Variants in DCUN1D4 observed in about 807,000 individuals in gnomAD.
DCUN1D4 encodes the protein defective in cullin neddylation 1 domain containing 4, also known as DCN1-like protein 4.
In DCUN1D4, 22 loss-of-function variants were observed where a neutral mutation model predicts 47.9. The ratio of observed to expected loss-of-function variants is 0.46; its 90% CI spans 0.33 to 0.66. The LOEUF (loss-of-function observed/expected upper bound fraction) is 0.66, where lower values mean the gene tolerates loss of function less well. Ranked by LOEUF, DCUN1D4 falls within the 30% of genes least tolerant of loss-of-function variation. The probability of loss-of-function intolerance (pLI) is 0.02; values close to 1 mark genes in which losing one functional copy is unlikely to be tolerated. For synonymous variants in DCUN1D4, 121 were observed against 112.2 expected (o/e 1.08, Z -0.50); for missense variants, 301 against 340.8 (o/e 0.88, Z 0.92).
intron 1 of DCUN1D4, among the ~76,000 whole-genome samples, chr4:51,851,051 T>C (rs1372022126): frequency 6.6e-6 from 1 of 152,234 alleles, no homozygotes; most frequent in Non-Finnish European, 1.5e-5. Flanking sequence ...TTACAATTAC[T>C]GTGTGATGAC....
At chr4:51,834,099 C>CTTTTTTTTTTTTT in the DCUN1D4 span, among the ~76,000 whole-genome samples, 3 of 40,828 alleles carry the variant, frequency 7.3e-5, 1 homozygote, top group Non-Finnish European at 1.2e-4. Flanking sequence ...TTCTTTTCTT[C>CTTTTTTTTTTTTT]TTTCTTTTTT....
intron 7 of DCUN1D4, 86 bp downstream of exon 7, chr4:51,891,937 G>C (rs1484247898): frequency 2.7e-5 from 27 of 1,018,090 alleles, no homozygotes; most frequent in Middle Eastern, 2.1e-4. Context: ...AGGTGATTGA[G>C]TGAGTGGAAG....
chr4:51,836,036 T>C, the DCUN1D4 span, among the ~76,000 whole-genome samples: 1 of 152,128 alleles, frequency 6.6e-6, no homozygotes, highest in South Asian at 2.1e-4. Flanking sequence ...TTCCCATCAT[T>C]TGAGTGCAGG....
At chr4:51,841,763 T>C (rs1721670828), upstream of DCUN1D4, among the ~76,000 whole-genome samples, 1 of 152,034 alleles carries the variant, frequency 6.6e-6, no homozygotes, top group Non-Finnish European at 1.5e-5. Context: ...AACATTTGTG[T>C]CCTGATTTAA....
At chr4:51,844,295 T>C in intron 1 of DCUN1D4, 2 of 973,990 alleles carry the variant, frequency 2.1e-6, no homozygotes, top group South Asian at 4.8e-5. Flanking sequence ...GAGTCCAAGC[T>C]TCGGGGTGCG....
upstream of DCUN1D4, chr4:51,842,940 G>A (rs1363929828): frequency 1.2e-6 from 1 of 800,026 alleles, no homozygotes; most frequent in African/African-American, 1.8e-5. Context: ...CGCTGCTCCG[G>A]AGCATGGCCT....
At chr4:51,837,479 C>A in the DCUN1D4 span, among the ~76,000 whole-genome samples, 6 of 151,434 alleles carry the variant, frequency 4.0e-5, no homozygotes, top group East Asian at 1.2e-3. Context: ...CACGGTGAAA[C>A]CCCGTCTCTA....
upstream of DCUN1D4, among the ~76,000 whole-genome samples, chr4:51,840,835 G>C (rs1359271906): frequency 6.6e-6 from 1 of 152,200 alleles, no homozygotes; most frequent in African/African-American, 2.4e-5. Flanking sequence ...GTGAGGGTCA[G>C]CCGACTAGGA....
intron 5 of DCUN1D4, among the ~76,000 whole-genome samples, chr4:51,881,775 C>T (rs914915111): frequency 2.6e-5 from 4 of 151,772 alleles, no homozygotes; most frequent in East Asian, 1.9e-4. Flanking sequence ...AGGTAATTAC[C>T]TTAATTCTAC....
chr4:51,883,959 G>T (rs772061010), intron 5 of DCUN1D4, among the ~76,000 whole-genome samples: 2 of 149,208 alleles, frequency 1.3e-5, no homozygotes, highest in Non-Finnish European at 3.0e-5. Context: ...TGATAATCAA[G>T]ATAAGAAAAC....
intron 1 of DCUN1D4, among the ~76,000 whole-genome samples, chr4:51,862,668 C>T (rs1725252877): frequency 1.3e-5 from 2 of 152,156 alleles, no homozygotes; most frequent in Admixed American, 6.5e-5. Flanking sequence ...TATTAATAAA[C>T]TTTCAGCTTA....
rs1725401085 is a variant in DCUN1D4 at position 51,863,504 on chromosome 4, G to A, written c.93G>A (p.Lys31=). The A allele has an allele frequency of 6.2e-7, 1 of 1,610,718 alleles. No homozygotes were observed. The highest frequency in any genetic ancestry group is 2.2e-5 in the East Asian group (1 of 44,756). The change falls in exon 2 of 11, where the codon AAG becomes AAA. Residue 31 remains lysine (K), a synonymous_variant. Coordinates refer to ENST00000334635, the MANE Select transcript of DCUN1D4 (RefSeq NM_001040402.3). ...ATAAGATCTACCACACCCTTAATAAGCTGGTAAGTCATTCTTTTAAAGACA... is the reference window on the plus strand; with the variant it reads ...ATAAGATCTACCACACCCTTAATAAACTGGTAAGTCATTCTTTTAAAGACA... ...NIHKIYHTLN[K]LNLTEDIGQD...
At chr4:51,868,635 C>T (rs1330840753) in intron 3 of DCUN1D4, among the ~76,000 whole-genome samples, 1 of 152,152 alleles carries the variant, frequency 6.6e-6, no homozygotes, top group Non-Finnish European at 1.5e-5. Context: ...CTTGGCCTAA[C>T]AGTAGTCTGG....
At chr4:51,896,942 A>G (rs895508405) in intron 7 of DCUN1D4, among the ~76,000 whole-genome samples, 1 of 152,144 alleles carries the variant, frequency 6.6e-6, no homozygotes, top group Non-Finnish European at 1.5e-5. Context: ...TCTCAGCATC[A>G]TCTTATACCT....
chr4:51,844,318 G>T, intron 1 of DCUN1D4: 19 of 984,588 alleles, frequency 1.9e-5, no homozygotes, highest in Non-Finnish European at 2.2e-5. Flanking sequence ...GAGAGGAGGG[G>T]GCGGGGCTGA....
At chr4:51,843,807 G>GA (rs1455289422) in intron 1 of DCUN1D4, 1 of 106,798 alleles carries the variant, frequency 9.4e-6, no homozygotes, top group Non-Finnish European at 1.9e-5. Context: ...GGGGGGGTGG[G>GA]GGGGGGGCGG....
intron 1 of DCUN1D4, among the ~76,000 whole-genome samples, chr4:51,851,872 G>A (rs1723429144): frequency 6.6e-6 from 1 of 152,204 alleles, no homozygotes. Flanking sequence ...AGGTCACACA[G>A]CTTATAAGTG....
intron 1 of DCUN1D4, among the ~76,000 whole-genome samples, chr4:51,863,142 T>C (rs906621751): frequency 1.3e-5 from 2 of 152,260 alleles, no homozygotes; most frequent in Non-Finnish European, 2.9e-5. Flanking sequence ...TTGAGACTTA[T>C]CTTTCTATTA....
chr4:51,843,303 G>T, intron 1 of DCUN1D4, 36 bp downstream of exon 1: 1 of 1,507,598 alleles, frequency 6.6e-7, no homozygotes. Context: ...GGCCGGGGCC[G>T]GGCGGCTGCC....
Sources: gnomAD v4.1 joint callset for allele counts (sites outside exome capture counted in the v4.1 genomes callset) on GRCh38, gnomAD v4.1.1 for gene constraint, MANE v1.5 for transcripts, NCBI Gene and HGNC (gene_info 2026-07-23, HGNC 2026-07-21) for gene names.